Variants in CCDC146 observed in about 807,000 individuals in gnomAD.
CCDC146 encodes coiled-coil domain-containing protein 146.
In CCDC146, 92 loss-of-function variants were observed where a neutral mutation model predicts 119.3. The ratio of observed to expected loss-of-function variants is 0.77; its 90% CI spans 0.65 to 0.92. The LOEUF is 0.92. CCDC146 is among the 40% of genes least tolerant of loss of function. The pLI is 0.00. For synonymous variants in CCDC146, 372 were observed against 371.8 expected (o/e 1.00, Z -0.01); for missense variants, 1,000 against 1,103.0 (o/e 0.91, Z 1.32).
At chr7:77,168,528 A>G (rs1176314050) in intron 2 of CCDC146, among the ~76,000 whole-genome samples, 4 of 152,114 alleles carry the variant, frequency 2.6e-5, no homozygotes, top group African/African-American at 7.2e-5. Flanking sequence ...ATAAGTTTAA[A>G]AAGTCTTAAG....
chr7:77,280,755 T>G (rs1793748093), intron 14 of CCDC146, 102 bp downstream of exon 14: 2 of 803,732 alleles, frequency 2.5e-6, no homozygotes, highest in Non-Finnish European at 4.0e-6. Flanking sequence ...AAATGTGATA[T>G]TCAGGTTGCA....
At chr7:77,211,129 C>A (rs115017725) in intron 2 of CCDC146, among the ~76,000 whole-genome samples, 3,784 of 152,102 alleles carry the variant, frequency 0.025, 138 homozygotes, top group African/African-American at 0.086. Flanking sequence ...AACCACCACC[C>A]AGGTCAAAAA....
chr7:77,282,829 T>G, intron 15 of CCDC146, 44 bp downstream of exon 15: 1 of 1,398,892 alleles, frequency 7.1e-7, no homozygotes, highest in Non-Finnish European at 1.0e-6. Context: ...CATTTATTTT[T>G]TTCTGCCTTT....
At chr7:77,262,458 G>A (rs1793318452) in intron 9 of CCDC146, 151 bp downstream of exon 9, 1 of 602,546 alleles carries the variant, frequency 1.7e-6, no homozygotes, top group Admixed American at 3.3e-5. Flanking sequence ...AGCCTATTAT[G>A]AAATCTATAG....
chr7:77,256,199 C>A, intron 5 of CCDC146, 134 bp from the exon 6 acceptor site: 3 of 613,344 alleles, frequency 4.9e-6, no homozygotes, highest in South Asian at 2.3e-5. Flanking sequence ...ATCATTTAAC[C>A]TTGTGAGAAA....
In CCDC146 at chr7:77,233,513, AG is replaced by A. The variant is rs1055013777; in HGVS notation, c.157-3433del. The stretch of plus-strand genomic sequence containing the variant: ...TTTTACTTATTTGCTTTAAATCAGC[AG>A]CCCCCCAACCTTTTTGACACCAGGG... On this transcript the variant is annotated intron_variant, in intron 2 of 18. Coordinates refer to ENST00000285871, the MANE Select transcript of CCDC146 (RefSeq NM_020879.3). Among the ~76,000 whole-genome samples the A allele has an allele frequency of 2.1e-3, 38 of 18,484 alleles. No individual in the cohort carries two copies. The African/African-American group carries it at 0.025, about 12-fold the overall frequency. The allele number at this position is 18,484 out of a possible 152,430, so 12.1% of individuals were successfully genotyped here.
At chr7:77,283,626 T>C (rs1793800681) in intron 15 of CCDC146, among the ~76,000 whole-genome samples, 1 of 152,212 alleles carries the variant, frequency 6.6e-6, no homozygotes, top group South Asian at 2.1e-4. Flanking sequence ...ACTCCCAAGA[T>C]ATAATTGCTA....
At chr7:77,209,305 C>T (rs1023522800) in intron 2 of CCDC146, among the ~76,000 whole-genome samples, 3 of 152,176 alleles carry the variant, frequency 2.0e-5, no homozygotes, top group Non-Finnish European at 4.4e-5. Flanking sequence ...CATGCAAATC[C>T]AAAACCCAGC....
At chr7:77,138,565 C>T (rs889011665) in intron 1 of CCDC146, among the ~76,000 whole-genome samples, 2 of 151,954 alleles carry the variant, frequency 1.3e-5, no homozygotes, top group Admixed American at 6.6e-5. Context: ...TTCTGCACTA[C>T]GAAAGACAAT....
chr7:77,241,562 G>C, intron 3 of CCDC146, 129 bp from the exon 4 acceptor site: 1 of 742,110 alleles, frequency 1.3e-6, no homozygotes, highest in East Asian at 2.6e-5. Context: ...CAACTGACTT[G>C]GCACAAAAAT....
At chr7:77,164,397 A>T (rs925557051) in intron 1 of CCDC146, among the ~76,000 whole-genome samples, 2 of 152,218 alleles carry the variant, frequency 1.3e-5, no homozygotes, top group Non-Finnish European at 2.9e-5. Flanking sequence ...TGCCATAATA[A>T]TAATGGTTAT....
intron 16 of CCDC146, 64 bp downstream of exon 16, chr7:77,286,990 A>G (rs1371729174): frequency 1.8e-5 from 28 of 1,558,368 alleles, no homozygotes; most frequent in Non-Finnish European, 2.4e-5. Context: ...ACAGATACCT[A>G]TGGTACTGTT....
chr7:77,289,617 A>G (rs757141926), intron 17 of CCDC146, among the ~76,000 whole-genome samples: 4 of 152,234 alleles, frequency 2.6e-5, no homozygotes, highest in Non-Finnish European at 5.9e-5. Context: ...AGTTGTTGCA[A>G]GTATTACATA....
intron 2 of CCDC146, among the ~76,000 whole-genome samples, chr7:77,171,778 C>A (rs1791426129): frequency 6.6e-6 from 1 of 152,214 alleles, no homozygotes; most frequent in Non-Finnish European, 1.5e-5. Flanking sequence ...AAAATCACAA[C>A]AACTTGAGTT....
chr7:77,290,015 G>A (rs1294304092), intron 17 of CCDC146, among the ~76,000 whole-genome samples: 1 of 152,134 alleles, frequency 6.6e-6, no homozygotes, highest in African/African-American at 2.4e-5. Context: ...ATGATAGACT[G>A]GATTAAGCAA....
At chr7:77,139,074 T>A (rs1434614347) in intron 1 of CCDC146, among the ~76,000 whole-genome samples, 1 of 152,234 alleles carries the variant, frequency 6.6e-6, no homozygotes, top group African/African-American at 2.4e-5. Flanking sequence ...TTTAAGCAGT[T>A]TTATTTATGA....
rs1584066043 is a variant in CCDC146, at chr7:77,199,925, G to T, written c.156+32101G>T. The T allele has an allele frequency of 5.5e-6, 6 of 1,094,112 alleles. No individual in the cohort carries two copies. In the African/African-American group the frequency reaches 6.3e-5, roughly 11 times the overall value. The allele number at this position is 1,094,112 out of a possible 1,614,324, so 67.8% of individuals were successfully genotyped here. On this transcript the variant is annotated intron_variant, in intron 2 of 18. Transcript: ENST00000285871. ...CGTTTGCATCACAAGTTTTAGAAAC[G>T]CACAGGAAGAGGAGATAGCCCTCAT...
In CCDC146 at chr7:77,206,633, CA is replaced by C. The variant is rs751283981; in HGVS notation, c.157-30308del. On this transcript the variant is annotated intron_variant, in intron 2 of 18. Transcript: ENST00000285871. Reference sequence around the variant, plus strand: ...GGGTGACAAAGCGAAACTCTGTCTCCAAAAAAGAAACATACATATATATATA... The same window carrying C: ...GGGTGACAAAGCGAAACTCTGTCTCCAAAAAGAAACATACATATATATATA... 1.6e-3 allele frequency among the ~76,000 whole-genome samples: 216 copies of C among 138,418 alleles called. 1 individual carries two copies. Among genetic ancestry groups the C allele is most frequent in the Admixed American group, 2.8e-3 (38 of 13,544 alleles). The allele number at this position is 138,418 out of a possible 152,430, so 90.8% of individuals were successfully genotyped here. A position where few individuals can be genotyped will look rare whatever the true frequency, so the allele number is the denominator to read the frequency against.
At chr7:77,164,972 G>A (rs1264480771) in intron 1 of CCDC146, among the ~76,000 whole-genome samples, 2 of 152,208 alleles carry the variant, frequency 1.3e-5, no homozygotes, top group African/African-American at 4.8e-5. Flanking sequence ...TCTCTGGCAA[G>A]AGAAGAGTGT....
Sources: gnomAD v4.1 joint callset for allele counts (sites outside exome capture counted in the v4.1 genomes callset) on GRCh38, gnomAD v4.1.1 for gene constraint, MANE v1.5 for transcripts, NCBI Gene and HGNC (gene_info 2026-07-23, HGNC 2026-07-21) for gene names.